The following CTNNA2 variants were observed in gnomAD, a reference collection of about 807,000 sequenced individuals.
CTNNA2 encodes the protein catenin alpha 2.
In CTNNA2, 42 loss-of-function variants were observed where a neutral mutation model predicts 101.0. That is an observed-to-expected ratio of 0.42 (90% CI 0.32 to 0.54). CTNNA2 has a LOEUF of 0.54. CTNNA2 is among the 20% of genes least tolerant of loss of function. The pLI, the probability that CTNNA2 is intolerant of heterozygous loss-of-function variation, is 0.14. For synonymous variants in CTNNA2, 450 were observed against 456.4 expected, an observed-to-expected ratio of 0.99 and a Z score of 0.18; for missense variants, 871 against 1,223.1, an observed-to-expected ratio of 0.71 and a Z score of 4.29.
chr2:79,751,319 C>T (rs2105029889), intron 3 of CTNNA2, among the ~76,000 whole-genome samples: 1 of 152,164 alleles, frequency 6.6e-6, no homozygotes, highest in East Asian at 1.9e-4. Context: ...GATGGCTGGG[C>T]AGGGTGGCAC....
At chr2:80,469,465 A>G (rs1233618285) in intron 9 of CTNNA2, among the ~76,000 whole-genome samples, 3 of 152,130 alleles carry the variant, frequency 2.0e-5, no homozygotes, top group Non-Finnish European at 4.4e-5. Context: ...GAGTTTACTG[A>G]ATTTGGTTGG....
intron 2 of CTNNA2, among the ~76,000 whole-genome samples, chr2:79,662,285 G>A (rs2104533227): frequency 6.6e-6 from 1 of 151,916 alleles, no homozygotes; most frequent in South Asian, 2.1e-4. Context: ...ATTCTGTTTT[G>A]CGATAAAATC....
At chr2:80,400,173 T>C (rs1456704240) in intron 8 of CTNNA2, among the ~76,000 whole-genome samples, 2 of 152,218 alleles carry the variant, frequency 1.3e-5, no homozygotes, top group Non-Finnish European at 2.9e-5. Flanking sequence ...TAGCCAAATA[T>C]ATCTGTTCCA....
chr2:79,658,950 T>C (rs980175432), intron 2 of CTNNA2, among the ~76,000 whole-genome samples: 1 of 152,082 alleles, frequency 6.6e-6, no homozygotes. Flanking sequence ...ATTAGCACTT[T>C]ATATATTTTA....
chr2:79,296,449 G>A (rs563920178), intron 2 of CTNNA2, among the ~76,000 whole-genome samples: 14 of 152,218 alleles, frequency 9.2e-5, no homozygotes, highest in Non-Finnish European at 1.6e-4. Flanking sequence ...TATAAACTGT[G>A]GCTTTTTCTT....
chr2:79,428,564 G>A (rs1026287153), intron 4 of CTNNA2, among the ~76,000 whole-genome samples: 3 of 151,980 alleles, frequency 2.0e-5, no homozygotes, highest in Non-Finnish European at 2.9e-5. Context: ...AGATACATTT[G>A]AGAAAGTACA....
intron 3 of CTNNA2, among the ~76,000 whole-genome samples, chr2:79,340,649 C>G (rs141166462): frequency 6.6e-6 from 1 of 151,794 alleles, no homozygotes; most frequent in African/African-American, 2.4e-5. Context: ...CTGGCTAACA[C>G]GGTGAAACCC....
intron 9 of CTNNA2, among the ~76,000 whole-genome samples, chr2:80,543,660 G>A (rs1050920503): frequency 1.3e-5 from 2 of 152,132 alleles, no homozygotes; most frequent in African/African-American, 4.8e-5. Flanking sequence ...TTATAAAGAT[G>A]CCCAGTGGTT....
chr2:80,432,334 T>A (rs1230228912), intron 9 of CTNNA2, among the ~76,000 whole-genome samples: 1 of 152,174 alleles, frequency 6.6e-6, no homozygotes, highest in Non-Finnish European at 1.5e-5. Context: ...AACATGAGCA[T>A]CTTTTGGGGA....
intron 9 of CTNNA2, among the ~76,000 whole-genome samples, chr2:80,461,457 C>A (rs1684417357): frequency 6.6e-6 from 1 of 152,206 alleles, no homozygotes. Flanking sequence ...CACCAGCTCA[C>A]ACTGACCCCC....
intron 4 of CTNNA2, among the ~76,000 whole-genome samples, chr2:79,395,994 C>T (rs1311338642): frequency 6.6e-6 from 1 of 152,098 alleles, no homozygotes; most frequent in Non-Finnish European, 1.5e-5. Context: ...TATTATATTT[C>T]ACATTTACGG....
chr2:79,985,841 C>T (rs1040524475), intron 7 of CTNNA2, among the ~76,000 whole-genome samples: 3 of 152,132 alleles, frequency 2.0e-5, no homozygotes, highest in African/African-American at 7.2e-5. Flanking sequence ...GGAACAACTG[C>T]CAGATATCAT....
intron 4 of CTNNA2, among the ~76,000 whole-genome samples, chr2:79,484,953 C>T (rs1291765183): frequency 6.6e-6 from 1 of 152,148 alleles, no homozygotes; most frequent in African/African-American, 2.4e-5. Context: ...GATTCTAAAA[C>T]CTTTACCAGC....
rs538132449 is a variant in CTNNA2 at position 79,303,345 on chromosome 2, C to G, written c.-405-9364C>G. Among the ~76,000 whole-genome samples, 53 of 152,248 alleles carry G rather than the reference C, an allele frequency of 3.5e-4. 1 individual carries two copies. The highest frequency in any genetic ancestry group is 1.2e-3 in the African/African-American group (51 of 41,538). On this transcript the variant is annotated intron_variant, in intron 2 of 21. Transcript: ENST00000466387. ...ACAATCTCTCCAGGTTCCTCTGACT[C>G]CAGGCTACTTTGTTGTTGTGTAAAC...
intron 4 of CTNNA2, among the ~76,000 whole-genome samples, chr2:79,427,581 C>T (rs576805410): frequency 2.0e-5 from 3 of 151,248 alleles, no homozygotes; most frequent in Non-Finnish European, 4.4e-5. Context: ...ACCAACTGAC[C>T]CTGAATCTTC....
chr2:79,394,070 G>A lies in CTNNA2; in HGVS notation c.-135+20057G>A, dbSNP rs114511673. The stretch of plus-strand genomic sequence containing the variant: ...CAGCTTTGCACTCATGATTAACGTG[G>A]GGGATGAGTGGTCACGTACACTCAC... On this transcript the variant is annotated intron_variant, in intron 4 of 21. Transcript: ENST00000466387. Among the ~76,000 whole-genome samples, 874 of 152,144 alleles carry A rather than the reference G, an allele frequency of 5.7e-3. 7 individuals carry two copies. The highest frequency in any genetic ancestry group is 0.017 in the Middle Eastern group (5 of 294).
intron 2 of CTNNA2, among the ~76,000 whole-genome samples, chr2:79,251,902 T>C (rs1179773235): frequency 1.3e-5 from 2 of 152,208 alleles, no homozygotes; most frequent in African/African-American, 4.8e-5. Context: ...CAGCAATATA[T>C]ACTAAACCGC....
intron 7 of CTNNA2, among the ~76,000 whole-genome samples, chr2:79,967,419 A>G (rs139070126): frequency 9.7e-4 from 147 of 152,274 alleles, no homozygotes; most frequent in Middle Eastern, 3.4e-3. Flanking sequence ...CACTAGCCCA[A>G]CAAGTTTCAC....
intron 7 of CTNNA2, among the ~76,000 whole-genome samples, chr2:80,074,633 C>G (rs1698562497): frequency 6.6e-6 from 1 of 152,090 alleles, no homozygotes; most frequent in South Asian, 2.1e-4. Flanking sequence ...AGTGGTGATT[C>G]TCAGAGCTCT....
Sources: gnomAD v4.1 joint callset for allele counts (sites outside exome capture counted in the v4.1 genomes callset) on GRCh38, gnomAD v4.1.1 for gene constraint, MANE v1.5 for transcripts, NCBI Gene and HGNC (gene_info 2026-07-23, HGNC 2026-07-21) for gene names.